REPS2: variants seen among roughly 807,000 people sequenced by gnomAD.
REPS2 encodes the protein RALBP1 associated Eps domain containing 2.
REPS2 carries 23 observed loss-of-function variants against 53.6 expected under a neutral mutation model. That is an observed-to-expected ratio of 0.43 (90% CI 0.31 to 0.61). The LOEUF is 0.61. Ranked by LOEUF, REPS2 falls within the 20% of genes least tolerant of loss-of-function variation. The pLI is 0.11. For missense variants in REPS2, 446 were observed against 534.9 expected (o/e 0.83, Z 1.64); for synonymous variants, 238 against 218.6 (o/e 1.09, Z -0.78).
At chrX:17,016,168 A>G (rs1348623356) in intron 2 of REPS2, among the ~76,000 whole-genome samples, 1 of 111,577 alleles carries the variant, frequency 9.0e-6, no homozygotes, top group African/African-American at 3.3e-5. Context: ...GCCAGTGATG[A>G]TGAGCATTTT....
Position 17,076,033 on chromosome X carries a change from C to T in REPS2, c.1380-1238C>T, listed in dbSNP as rs112559627. Among the ~76,000 whole-genome samples, 649 of 111,847 alleles carry T rather than the reference C, an allele frequency of 5.8e-3. 6 individuals are homozygous for T. Among genetic ancestry groups the T allele is most frequent in the African/African-American group, 0.02 (624 of 30,692 alleles). Reference sequence around the variant, plus strand: ...CTTGCCAGTTATGTTACAGGGACCACCCCAGAACACGTCACATGCCATTAT... The same window carrying T: ...CTTGCCAGTTATGTTACAGGGACCATCCCAGAACACGTCACATGCCATTAT... On this transcript the variant is annotated intron_variant, in intron 12 of 17. Transcript: ENST00000357277.
At chrX:16,992,421 G>A (rs2061175233) in intron 1 of REPS2, among the ~76,000 whole-genome samples, 2 of 112,022 alleles carry the variant, frequency 1.8e-5, no homozygotes, top group African/African-American at 6.5e-5. Flanking sequence ...ACTAAGACAT[G>A]GAGTATTTTA....
intron 8 of REPS2, among the ~76,000 whole-genome samples, chrX:17,061,120 T>C (rs867310055): frequency 8.9e-6 from 1 of 112,012 alleles, no homozygotes; most frequent in Non-Finnish European, 1.9e-5. Context: ...AGAGCCTTGA[T>C]TGATAGACTA....
intron 1 of REPS2, among the ~76,000 whole-genome samples, chrX:16,989,999 G>A (rs2061142253): frequency 8.9e-6 from 1 of 112,200 alleles, no homozygotes; most frequent in African/African-American, 3.2e-5. Flanking sequence ...TTTTATAGGA[G>A]TTTTATTCAT....
the REPS2 span, among the ~76,000 whole-genome samples, chrX:17,173,717 C>G: frequency 8.9e-6 from 1 of 111,945 alleles, no homozygotes. Context: ...ATATTTGAAC[C>G]TTAGTGTTCC....
chrX:17,096,577 G>A (rs1429311758), intron 13 of REPS2, among the ~76,000 whole-genome samples: 10 of 93,552 alleles, frequency 1.1e-4, no homozygotes, highest in South Asian at 5.9e-4. Context: ...GGAGAATGGC[G>A]TGAACCCGGG....
In REPS2 at chrX:16,947,118, C is replaced by T. The variant is rs1198035813; in HGVS notation, c.257C>T (p.Ala86Val). The T allele has an allele frequency of 3.7e-6, 4 of 1,091,467 alleles. No homozygotes were observed. Among genetic ancestry groups the T allele is most frequent in the African/African-American group, 1.9e-5 (1 of 51,881 alleles). 89.9% of individuals were successfully genotyped at this position (1,091,467 alleles called of 1,213,427 possible). A position where few individuals can be genotyped will look rare whatever the true frequency, so the allele number is the denominator to read the frequency against. ...CTGTTTCGGGCATCGCAGCTGCCCGCCGAGACGCTGCACCAGGTGGGTCCC... is the reference window on the plus strand; with the variant it reads ...CTGTTTCGGGCATCGCAGCTGCCCGTCGAGACGCTGCACCAGGTGGGTCCC... ...ADLFRASQLPAETLHQITELC... is the reference protein window; with the variant it reads ...ADLFRASQLPVETLHQITELC... Residue 86 changes from alanine (A) to valine (V), a missense_variant, in exon 1 of 18, where the codon GCC becomes GTC. Coordinates refer to ENST00000357277, the MANE Select transcript of REPS2 (RefSeq NM_004726.3).
intron 1 of REPS2, among the ~76,000 whole-genome samples, chrX:16,951,362 A>G (rs1303119412): frequency 9.0e-6 from 1 of 111,487 alleles, no homozygotes; most frequent in African/African-American, 3.3e-5. Flanking sequence ...AAAGAGACCA[A>G]AAGACCTTTC....
At chrX:17,158,816 T>A in the REPS2 span, among the ~76,000 whole-genome samples, 1 of 112,011 alleles carries the variant, frequency 8.9e-6, no homozygotes, top group Non-Finnish European at 1.9e-5. Context: ...GCAAGCCAGG[T>A]TGGGCCCACG....
At chrX:17,125,785 G>A (rs759275105) in intron 14 of REPS2, among the ~76,000 whole-genome samples, 2 of 112,889 alleles carry the variant, frequency 1.8e-5, no homozygotes, top group South Asian at 7.3e-4. Context: ...ATTGTGTTGT[G>A]TGCCATAGGC....
Position 17,029,554 on chromosome X carries a change from C to T in REPS2, c.702C>T (p.Val234=). 8.3e-7 allele frequency: 1 copy of T among 1,210,034 alleles called. No individual in the cohort carries two copies. Among genetic ancestry groups the T allele is most frequent in the Non-Finnish European group, 1.1e-6 (1 of 893,986 alleles). The change falls in exon 5 of 18, where the codon GTC becomes GTT. Residue 234 remains valine (V), a synonymous_variant. Transcript: ENST00000357277. ...CTTATGAAGCTAGGCAGCCCCTTGT[C>T]CAGCCCGAGGGATCCTCATCAGGGG... ...PAPYEARQPL[V]QPEGSSSGGP...
rs1303070703 is a variant in REPS2, at chrX:17,047,400, C to A, written c.825C>A (p.Pro275=). 2.5e-6 allele frequency: 3 copies of A among 1,209,140 alleles called. No homozygotes were observed. The African/African-American group carries it at 5.3e-5, about 21-fold the overall frequency. The part of the protein sequence containing the change: ...LQDNSSYPDE[P]WRITEEQREY... ...ATAACAGCAGTTACCCCGACGAACC[C>A]TGGAGGATAACAGAAGAACAGCGCG... The change falls in exon 6 of 18, where the codon CCC becomes CCA. Residue 275 remains proline (P), a synonymous_variant. Transcript: ENST00000357277.
chrX:16,963,789 G>A (rs887736739), intron 1 of REPS2, among the ~76,000 whole-genome samples: 3 of 111,097 alleles, frequency 2.7e-5, no homozygotes, highest in African/African-American at 6.5e-5. Flanking sequence ...TAAGCACCTC[G>A]TACTTATAAA....
At chrX:17,023,427 CAAA>C (rs11304206) in intron 3 of REPS2, among the ~76,000 whole-genome samples, 17 of 86,585 alleles carry the variant, frequency 2.0e-4, no homozygotes, top group Admixed American at 3.8e-4. Context: ...GACTGTGTCT[CAAA>C]AAAAAAAAAA....
intron 13 of REPS2, among the ~76,000 whole-genome samples, chrX:17,087,173 A>C (rs2062549349): frequency 8.9e-6 from 1 of 112,332 alleles, no homozygotes; most frequent in South Asian, 3.7e-4. Context: ...AGTAGCCTCA[A>C]ATCTGGCTTG....
At chrX:17,050,194 C>CTTTCTTTCTTTCTTTT (rs1223989029) in intron 6 of REPS2, among the ~76,000 whole-genome samples, 3 of 51,798 alleles carry the variant, frequency 5.8e-5, no homozygotes, top group African/African-American at 2.9e-4. Context: ...TTCTTTCTTT[C>CTTTCTTTCTTTCTTTT]TTTTTTTTTT....
rs1160290532 is a variant in REPS2, at chrX:17,151,111, C to T, written c.*3630C>T. The T allele has an allele frequency of 2.7e-5, 3 of 112,211 alleles. No individual in the cohort carries two copies. Among genetic ancestry groups the T allele is most frequent in the African/African-American group, 9.7e-5 (3 of 30,794 alleles). 9.2% of individuals were successfully genotyped at this position (112,211 alleles called of 1,213,427 possible). ...CTGTTGCTTTCAATGGATTCCATTC[C>T]TGTATTCCTTATGGGAGGTTGTTTT... On this transcript the variant is annotated 3_prime_UTR_variant, in exon 18 of 18. Transcript: ENST00000357277.
At chrX:16,972,418 C>G (rs2060905853) in intron 1 of REPS2, among the ~76,000 whole-genome samples, 1 of 111,926 alleles carries the variant, frequency 8.9e-6, no homozygotes, top group African/African-American at 3.2e-5. Flanking sequence ...CTTTAATAAG[C>G]CTGAGATAAA....
chrX:17,162,914 A>G, the REPS2 span, among the ~76,000 whole-genome samples: 2 of 112,300 alleles, frequency 1.8e-5, no homozygotes, highest in Non-Finnish European at 3.8e-5. Context: ...CAGAGTTGCC[A>G]CATCACATTA....
Sources: allele counts gnomAD v4.1 joint callset (sites outside exome capture counted in the v4.1 genomes callset), GRCh38; gene constraint gnomAD v4.1.1; transcripts MANE v1.5; gene names NCBI Gene and HGNC (gene_info 2026-07-23, HGNC 2026-07-21).